Variants in COL5A2 observed in about 807,000 individuals in gnomAD.
The protein encoded by COL5A2 is collagen alpha-2(V) chain.
A neutral mutation model predicts 208.2 loss-of-function variants in COL5A2; 23 were observed. The observed-to-expected ratio is 0.11, with a 90% CI of 0.08 to 0.16. The LOEUF is 0.16. Among genes scored for constraint, COL5A2 ranks in the 10% least tolerant of loss-of-function variants. The pLI, the probability that COL5A2 is intolerant of heterozygous loss-of-function variation, is 1.00. For synonymous variants in COL5A2, 625 were observed against 628.5 expected, an observed-to-expected ratio of 0.99 and a Z score of 0.08; for missense variants, 1,590 against 1,956.4, an observed-to-expected ratio of 0.81 and a Z score of 3.53.
At chr2:189,209,879 T>G (rs368556175) in intron 1 of COL5A2, among the ~76,000 whole-genome samples, 1 of 152,098 alleles carries the variant, frequency 6.6e-6, no homozygotes, top group African/African-American at 2.4e-5. Context: ...CAGCTGAAAG[T>G]TAAATTTGAG....
At chr2:189,102,472 T>C (rs1364237347) in intron 3 of COL5A2, among the ~76,000 whole-genome samples, 1 of 152,144 alleles carries the variant, frequency 6.6e-6, no homozygotes, top group Admixed American at 6.6e-5. Context: ...CTATTGTTTG[T>C]ATTAATATAG....
the COL5A2 span, among the ~76,000 whole-genome samples, chr2:189,344,554 T>A: frequency 6.6e-6 from 1 of 152,152 alleles, no homozygotes; most frequent in Non-Finnish European, 1.5e-5. Context: ...ATCCACCTGC[T>A]GCAGCAACAA....
chr2:189,417,452 A>G, the COL5A2 span, among the ~76,000 whole-genome samples: 1 of 148,162 alleles, frequency 6.7e-6, no homozygotes. Flanking sequence ...TTTTTTTCAC[A>G]TTTGGTTGAC....
the COL5A2 span, among the ~76,000 whole-genome samples, chr2:189,265,937 G>T: frequency 6.6e-6 from 1 of 152,150 alleles, no homozygotes; most frequent in African/African-American, 2.4e-5. Flanking sequence ...TAATCATAGA[G>T]TGACCATATG....
chr2:189,036,873 T>A, intron 51 of COL5A2, 70 bp from the exon 52 acceptor site: 1 of 1,215,308 alleles, frequency 8.2e-7, no homozygotes, highest in East Asian at 2.5e-5. Context: ...TCCAAAAGAA[T>A]TAACAGAGGG....
intron 1 of COL5A2, among the ~76,000 whole-genome samples, chr2:189,134,038 C>T (rs1687777815): frequency 1.3e-5 from 2 of 151,950 alleles, no homozygotes; most frequent in Admixed American, 1.3e-4. Flanking sequence ...GAAAAAAATA[C>T]TAAAAATGAT....
At chr2:189,177,894 T>C (rs1249992270) in intron 1 of COL5A2, among the ~76,000 whole-genome samples, 1 of 152,202 alleles carries the variant, frequency 6.6e-6, no homozygotes, top group Admixed American at 6.5e-5. Flanking sequence ...TTCCATACTT[T>C]ATTAAAGTAC....
intron 3 of COL5A2, among the ~76,000 whole-genome samples, chr2:189,102,217 T>C (rs964588205): frequency 1.2e-4 from 19 of 152,180 alleles, no homozygotes; most frequent in African/African-American, 3.9e-4. Context: ...AGAATAGTTG[T>C]GAAATTTCCA....
the COL5A2 span, among the ~76,000 whole-genome samples, chr2:189,293,774 A>G: frequency 6.6e-6 from 1 of 152,156 alleles, no homozygotes; most frequent in Non-Finnish European, 1.5e-5. Context: ...CGTGAAAACT[A>G]AATTTCTATT....
Position 189,066,767 on chromosome 2 carries a change from G to A in COL5A2, c.1417C>T (p.Pro473Ser), listed in dbSNP as rs1686161218. ...IRGQPGDPGVPGFKGEAGPKG... is the reference protein window; with the variant it reads ...IRGQPGDPGVSGFKGEAGPKG... Reference sequence around the variant, plus strand: ...GGGCCAGCTTCTCCTTTGAAACCTGGAACTCCTGGATCACCCTGAAAAAAA... The same window carrying A: ...GGGCCAGCTTCTCCTTTGAAACCTGAAACTCCTGGATCACCCTGAAAAAAA... The change falls in exon 22 of 54, where the codon CCA becomes TCA. Residue 473 changes from proline (P) to serine (S), a missense_variant. By Grantham distance (74) the Pro-to-Ser change is moderately conservative. Transcript: ENST00000374866. 6.2e-7 allele frequency: 1 copy of A among 1,613,250 alleles called. No individual in the cohort carries two copies. Among genetic ancestry groups the A allele is most frequent in the South Asian group, 1.1e-5 (1 of 91,068 alleles).
At chr2:189,065,509 A>G (rs1343305899) in intron 23 of COL5A2, among the ~76,000 whole-genome samples, 1 of 152,126 alleles carries the variant, frequency 6.6e-6, no homozygotes, top group Non-Finnish European at 1.5e-5. Context: ...AGCCTGGACA[A>G]CACAGCAAGA....
chr2:189,242,180 C>A, the COL5A2 span, among the ~76,000 whole-genome samples: 4 of 152,080 alleles, frequency 2.6e-5, no homozygotes. Flanking sequence ...TTCAGAAAAC[C>A]ATTTGATACC....
At chr2:189,166,713 A>T (rs1688471662) in intron 1 of COL5A2, among the ~76,000 whole-genome samples, 2 of 152,194 alleles carry the variant, frequency 1.3e-5, no homozygotes, top group African/African-American at 4.8e-5. Context: ...TCCATCTGGG[A>T]TACTGGGGCT....
the COL5A2 span, among the ~76,000 whole-genome samples, chr2:189,309,439 G>A: frequency 3.3e-5 from 5 of 152,120 alleles, no homozygotes; most frequent in African/African-American, 9.7e-5. Flanking sequence ...CACACTGCAC[G>A]TATGGTACCT....
chr2:189,124,474 AG>A (rs1687570893), intron 1 of COL5A2, among the ~76,000 whole-genome samples: 1 of 152,222 alleles, frequency 6.6e-6, no homozygotes, highest in African/African-American at 2.4e-5. Flanking sequence ...ATTTTTCCCC[AG>A]AATATTCAGC....
At chr2:189,129,241 A>C (rs544902779) in intron 1 of COL5A2, among the ~76,000 whole-genome samples, 1 of 152,202 alleles carries the variant, frequency 6.6e-6, no homozygotes, top group East Asian at 1.9e-4. Flanking sequence ...CTAAAGCCGA[A>C]AGGCTGTCAG....
Position 189,123,399 on chromosome 2 carries a change from T to C in COL5A2, c.98-12950A>G, listed in dbSNP as rs543140107. ...ATCCTCTGTACTTCAGAATGTGACA[T>C]TATTTGTAAATAAGGTCATTGAAGA... On this transcript the variant is annotated intron_variant, in intron 1 of 53. Coordinates refer to ENST00000374866, the MANE Select transcript of COL5A2 (RefSeq NM_000393.5). 8.1e-4 allele frequency among the ~76,000 whole-genome samples: 123 copies of C among 152,246 alleles called. 1 individual carries two copies. Among genetic ancestry groups the C allele is most frequent in the African/African-American group, 2.8e-3 (116 of 41,550 alleles).
chr2:189,292,557 C>T, the COL5A2 span, among the ~76,000 whole-genome samples: 2 of 152,244 alleles, frequency 1.3e-5, no homozygotes, highest in African/African-American at 4.8e-5. Flanking sequence ...CAATGAGATG[C>T]CATCTCACAC....
At chr2:189,421,996 T>C in the COL5A2 span, among the ~76,000 whole-genome samples, 1 of 152,106 alleles carries the variant, frequency 6.6e-6, no homozygotes, top group Admixed American at 6.5e-5. Flanking sequence ...CCATACCAGA[T>C]GATCTGCCCA....
Sources: gnomAD v4.1 joint callset for allele counts (sites outside exome capture counted in the v4.1 genomes callset) on GRCh38, gnomAD v4.1.1 for gene constraint, MANE v1.5 for transcripts, NCBI Gene and HGNC (gene_info 2026-07-23, HGNC 2026-07-21) for gene names.